The following BBS4 variants were observed in gnomAD, a reference collection of about 807,000 sequenced individuals.
The protein encoded by BBS4 is Bardet-Biedl syndrome 4, also known as BBSome complex member BBS4.
BBS4 carries 58 observed loss-of-function variants against 71.4 expected under a neutral mutation model. That is an observed-to-expected ratio of 0.81 (90% CI 0.66 to 1.01). The LOEUF is 1.01. Ranked by LOEUF, BBS4 falls within the 50% of genes least tolerant of loss-of-function variation. The pLI is 0.00. For synonymous variants in BBS4, 228 were observed against 216.8 expected (o/e 1.05, Z -0.46); for missense variants, 660 against 607.9 (o/e 1.09, Z -0.90).
At chr15:72,725,053 T>G (rs1055592391) in intron 8 of BBS4, among the ~76,000 whole-genome samples, 1,059 of 102,798 alleles carry the variant, frequency 0.01, 8 homozygotes, top group African/African-American at 0.016. Flanking sequence ...TATATATATA[T>G]ATATAGAGAG....
chr15:72,721,311 C>T (rs970501064), intron 6 of BBS4, among the ~76,000 whole-genome samples: 2 of 152,048 alleles, frequency 1.3e-5, no homozygotes, highest in African/African-American at 4.8e-5. Flanking sequence ...GAAATAAATA[C>T]GGAAACATTT....
At chr15:72,709,197 C>T (rs980975201) in intron 2 of BBS4, among the ~76,000 whole-genome samples, 4 of 152,204 alleles carry the variant, frequency 2.6e-5, no homozygotes, top group African/African-American at 7.2e-5. Flanking sequence ...GTGGGCATCA[C>T]GGTCCTACCG....
intron 9 of BBS4, among the ~76,000 whole-genome samples, chr15:72,729,247 GTTT>G (rs141392671): frequency 0.89 from 75,304 of 85,026 alleles, 33,300 homozygotes; most frequent in Middle Eastern, 0.97. Flanking sequence ...TGGCCAGACT[GTTT>G]TTTTTTTTTT....
intron 1 of BBS4, among the ~76,000 whole-genome samples, chr15:72,690,840 G>A (rs556751140): frequency 6.6e-6 from 1 of 152,216 alleles, no homozygotes; most frequent in South Asian, 2.1e-4. Flanking sequence ...AATGCATGAG[G>A]GTTGTGATTT....
intron 6 of BBS4, among the ~76,000 whole-genome samples, chr15:72,718,666 T>C (rs1459001833): frequency 1.3e-5 from 2 of 152,188 alleles, no homozygotes; most frequent in Non-Finnish European, 2.9e-5. Flanking sequence ...GTACTTTTCA[T>C]TCAGTCGGTT....
rs773472710 is a variant in BBS4 at position 72,736,816 on chromosome 15, G to A, written c.1303G>A (p.Val435Ile). The A allele has an allele frequency of 1.9e-6, 3 of 1,614,200 alleles. No homozygotes were observed. Among genetic ancestry groups the A allele is most frequent in the Non-Finnish European group, 2.5e-6 (3 of 1,180,040 alleles). Residue 435 changes from valine (V) to isoleucine (I), a missense_variant, in exon 15 of 16, where the codon GTC becomes ATC. Val to Ile is a conservative substitution (Grantham distance 29). Coordinates refer to ENST00000268057, the MANE Select transcript of BBS4 (RefSeq NM_033028.5). The part of the protein sequence containing the change: ...GAALQVGEAL[V>I]WTKPVKDPKS... Reference sequence around the variant, plus strand: ...TGCTCTCCAGGTTGGGGAGGCACTGGTCTGGACCAAACCAGTTAAAGATCC... The same window carrying A: ...TGCTCTCCAGGTTGGGGAGGCACTGATCTGGACCAAACCAGTTAAAGATCC...
chr15:72,708,767 C>T (rs942704913), intron 2 of BBS4, among the ~76,000 whole-genome samples: 2 of 152,088 alleles, frequency 1.3e-5, no homozygotes, highest in African/African-American at 4.8e-5. Flanking sequence ...TGGAGGAGGT[C>T]TATAGGGCAT....
intron 1 of BBS4, among the ~76,000 whole-genome samples, chr15:72,689,155 CAT>C (rs2064935850): frequency 1.3e-5 from 2 of 151,862 alleles, no homozygotes; most frequent in African/African-American, 2.4e-5. Flanking sequence ...CAAAGGAAAA[CAT>C]ATAGATCCGT....
rs1339066798 is a variant in BBS4 at position 72,737,094 on chromosome 15, A to G, written c.1450+131A>G. The stretch of plus-strand genomic sequence containing the variant: ...AACGTAGTATTGGCCACAAGGGGAG[A>G]AAAAAAACACAGGGTGGCTAAATTG... On this transcript the variant is annotated intron_variant, in intron 15 of 15. Coordinates refer to ENST00000268057, the MANE Select transcript of BBS4 (RefSeq NM_033028.5). 1.7e-5 allele frequency: 19 copies of G among 1,150,530 alleles called. No individual in the cohort carries two copies. The East Asian group carries it at 4.1e-4, about 25-fold the overall frequency. The allele number at this position is 1,150,530 out of a possible 1,614,324, so 71.3% of individuals were successfully genotyped here.
rs1386237322 is a variant in BBS4, at chr15:72,738,313, G to GTAAT, written c.*728_*731dup. The GTAAT allele has an allele frequency of 6.6e-6, 3 of 453,952 alleles. No homozygotes were observed. Among genetic ancestry groups the GTAAT allele is most frequent in the African/African-American group, 6.0e-5 (3 of 49,988 alleles). The allele number at this position is 453,952 out of a possible 1,614,324, so 28.1% of individuals were successfully genotyped here. ...AAAAAAGGAAGAGTTTCTTAGATGA[G>GTAAT]TAATTGTTATTGAAGATAGTCAGTG... On this transcript the variant is annotated 3_prime_UTR_variant, in exon 16 of 16. Transcript: ENST00000268057.
chr15:72,722,391 CTG>C (rs2065592909), intron 6 of BBS4, among the ~76,000 whole-genome samples: 1 of 152,230 alleles, frequency 6.6e-6, no homozygotes, highest in African/African-American at 2.4e-5. Flanking sequence ...CACTATCCAA[CTG>C]TGTTGCCTTA....
intron 14 of BBS4, 90 bp from the exon 15 acceptor site, chr15:72,736,672 C>A: frequency 7.8e-7 from 1 of 1,280,714 alleles, no homozygotes; most frequent in Non-Finnish European, 1.1e-6. Flanking sequence ...ACTATTTCAG[C>A]TAAAACCCCA....
At chr15:72,698,758 A>G (rs2065121035) in intron 2 of BBS4, among the ~76,000 whole-genome samples, 1 of 152,150 alleles carries the variant, frequency 6.6e-6, no homozygotes, top group Non-Finnish European at 1.5e-5. Context: ...ACTGTATATA[A>G]TAATTTATTC....
intron 1 of BBS4, chr15:72,686,792 C>T: frequency 2.8e-6 from 1 of 352,476 alleles, no homozygotes; most frequent in East Asian, 7.5e-5. Context: ...TTCAGGATGA[C>T]CTAGTCGCTA....
rs763439713 is a variant in BBS4 at position 72,709,746 on chromosome 15, T to G, written c.123T>G (p.Leu41=). The change falls in exon 3 of 16, where the codon CTT becomes CTG. Residue 41 remains leucine, a synonymous_variant. Transcript: ENST00000268057. The stretch of plus-strand genomic sequence containing the variant: ...AGAAGCAGAACTGGTTGATTCATCT[T>G]CATTATATCCGGAAAGATTATGAAG... ...ILEKQNWLIH[L]HYIRKDYEAC... The G allele has an allele frequency of 6.2e-7, 1 of 1,613,816 alleles. No individual in the cohort carries two copies. Among genetic ancestry groups the G allele is most frequent in the South Asian group, 1.1e-5 (1 of 91,080 alleles).
intron 2 of BBS4, among the ~76,000 whole-genome samples, chr15:72,705,141 T>C (rs976756022): frequency 6.6e-6 from 1 of 152,194 alleles, no homozygotes; most frequent in African/African-American, 2.4e-5. Flanking sequence ...AAGTGTAACA[T>C]ACTTTATTAT....
chr15:72,725,774 T>TC (rs2065666106), intron 8 of BBS4, among the ~76,000 whole-genome samples: 1 of 42,930 alleles, frequency 2.3e-5, no homozygotes, highest in African/African-American at 1.2e-4. Flanking sequence ...TCCCCCTTCC[T>TC]CTTCCCCTTC....
chr15:72,715,233 G>C, intron 4 of BBS4, 58 bp from the exon 5 acceptor site: 2 of 1,306,670 alleles, frequency 1.5e-6, no homozygotes, highest in Non-Finnish European at 2.2e-6. Context: ...CTGACCCCAG[G>C]CTCCATTCTT....
intron 8 of BBS4, among the ~76,000 whole-genome samples, chr15:72,727,633 CTTTAAT>C (rs1329473268): frequency 6.6e-6 from 1 of 152,076 alleles, no homozygotes; most frequent in Non-Finnish European, 1.5e-5. Context: ...AAGCATTGTT[CTTTAAT>C]TTTATCAGTG....
Sources: allele counts gnomAD v4.1 joint callset (sites outside exome capture counted in the v4.1 genomes callset), GRCh38; gene constraint gnomAD v4.1.1; transcripts MANE v1.5; gene names NCBI Gene and HGNC (gene_info 2026-07-23, HGNC 2026-07-21).